CCDC102B: variants seen among roughly 807,000 people sequenced by gnomAD.
CCDC102B encodes coiled-coil domain-containing protein 102B.
Under a neutral mutation model 57.4 loss-of-function variants are expected in CCDC102B, and 75 were observed. The observed-to-expected ratio is 1.31, with a 90% CI of 1.08 to 1.58. The LOEUF (loss-of-function observed/expected upper bound fraction) is 1.58, where lower values mean the gene tolerates loss of function less well. CCDC102B is among the 40% of genes most tolerant of loss of function. The pLI is 0.00. For missense variants in CCDC102B, 636 were observed against 582.6 expected, an observed-to-expected ratio of 1.09 and a Z score of -0.94; for synonymous variants, 206 against 201.9, an observed-to-expected ratio of 1.02 and a Z score of -0.17.
chr18:68,924,017 C>G (rs949852210), intron 6 of CCDC102B, among the ~76,000 whole-genome samples: 1 of 152,000 alleles, frequency 6.6e-6, no homozygotes, highest in African/African-American at 2.4e-5. Context: ...CATTAGCAAC[C>G]AAGGAACTCT....
chr18:68,827,517 A>G (rs901745147), intron 1 of CCDC102B, among the ~76,000 whole-genome samples: 3 of 152,198 alleles, frequency 2.0e-5, no homozygotes, highest in South Asian at 2.1e-4. Flanking sequence ...TACTGTACAT[A>G]TATCAGCCAG....
At chr18:69,057,992 TCCCAC>T (rs937260328), downstream of CCDC102B, among the ~76,000 whole-genome samples, 5 of 152,060 alleles carry the variant, frequency 3.3e-5, no homozygotes, top group African/African-American at 1.2e-4. Context: ...CTCACCTAAC[TCCCAC>T]CCTCCCTGCT....
chr18:68,849,209 A>G (rs1160611440), intron 4 of CCDC102B, among the ~76,000 whole-genome samples: 1 of 152,050 alleles, frequency 6.6e-6, no homozygotes, highest in Non-Finnish European at 1.5e-5. Context: ...AAAATTCTGT[A>G]CTCACACCTT....
At chr18:68,807,525 A>G (rs935596855) in intron 1 of CCDC102B, among the ~76,000 whole-genome samples, 1 of 152,150 alleles carries the variant, frequency 6.6e-6, no homozygotes, top group African/African-American at 2.4e-5. Flanking sequence ...AATAAAAACC[A>G]AGCAAGCTTT....
Position 69,011,129 on chromosome 18 carries a change from G to T in CCDC102B, c.1434+25G>T, listed in dbSNP as rs1329475734. The T allele has an allele frequency of 2.5e-6, 4 of 1,595,826 alleles. No individual in the cohort carries two copies. The East Asian group carries it at 8.9e-5, about 36-fold the overall frequency. On this transcript the variant is annotated intron_variant, in intron 7 of 7. Coordinates refer to ENST00000360242, the MANE Select transcript of CCDC102B (RefSeq NM_024781.3). ...GGTACTACTTTATGAGTGAACACGT[G>T]CTGGACAGCTTCTAAATAGTATTTT...
chr18:68,776,413 C>G (rs771393077), intron 2 of CCDC102B, among the ~76,000 whole-genome samples: 1 of 152,124 alleles, frequency 6.6e-6, no homozygotes, highest in Non-Finnish European at 1.5e-5. Flanking sequence ...CGGAATCAAC[C>G]TAAATGTCCA....
chr18:68,986,754 A>G (rs2050735766), intron 6 of CCDC102B, among the ~76,000 whole-genome samples: 1 of 152,176 alleles, frequency 6.6e-6, no homozygotes, highest in South Asian at 2.1e-4. Context: ...TCAACATACA[A>G]AAGTCAGTGG....
intron 6 of CCDC102B, among the ~76,000 whole-genome samples, chr18:68,938,111 T>G (rs538192595): frequency 6.6e-6 from 1 of 152,138 alleles, no homozygotes; most frequent in South Asian, 2.1e-4. Context: ...AACTCAGACC[T>G]TATTAAGTCA....
At chr18:69,013,899 A>T (rs1209727285) in intron 7 of CCDC102B, among the ~76,000 whole-genome samples, 1 of 152,188 alleles carries the variant, frequency 6.6e-6, no homozygotes, top group African/African-American at 2.4e-5. Flanking sequence ...TGAACAATAA[A>T]TGCCTACTAA....
intron 2 of CCDC102B, among the ~76,000 whole-genome samples, chr18:68,742,362 A>G (rs995330002): frequency 6.6e-6 from 1 of 152,148 alleles, no homozygotes; most frequent in Non-Finnish European, 1.5e-5. Flanking sequence ...ACCCTACTCC[A>G]TTGTGACCTC....
chr18:68,996,400 G>T (rs147399089), intron 6 of CCDC102B, among the ~76,000 whole-genome samples: 2 of 152,166 alleles, frequency 1.3e-5, no homozygotes, highest in African/African-American at 4.8e-5. Flanking sequence ...TACCTTTGAG[G>T]TTTTGAGACT....
intron 1 of CCDC102B, among the ~76,000 whole-genome samples, chr18:68,825,849 T>C (rs2036885468): frequency 6.6e-6 from 1 of 152,214 alleles, no homozygotes. Flanking sequence ...TATTTTGTAC[T>C]TACAGGTAGT....
chr18:68,958,010 G>C (rs1189462334), intron 6 of CCDC102B, among the ~76,000 whole-genome samples: 2 of 152,154 alleles, frequency 1.3e-5, no homozygotes, highest in Non-Finnish European at 2.9e-5. Context: ...ACAGTTCCAC[G>C]TGGCTGGGGA....
At chr18:68,758,059 ATTC>A (rs923007662) in intron 2 of CCDC102B, among the ~76,000 whole-genome samples, 1 of 152,082 alleles carries the variant, frequency 6.6e-6, no homozygotes, top group African/African-American at 2.4e-5. Context: ...ATTACAAGCT[ATTC>A]TTCTATTTCT....
intron 2 of CCDC102B, among the ~76,000 whole-genome samples, chr18:68,793,021 T>C (rs754274153): frequency 6.6e-6 from 1 of 152,218 alleles, no homozygotes; most frequent in Non-Finnish European, 1.5e-5. Flanking sequence ...TATGTGACTG[T>C]ATCTGGGCAC....
At chr18:68,796,904 G>A (rs2035649848), upstream of CCDC102B, among the ~76,000 whole-genome samples, 1 of 151,798 alleles carries the variant, frequency 6.6e-6, no homozygotes, top group South Asian at 2.1e-4. Context: ...TCAGGTGGAT[G>A]CAAGACTAAA....
chr18:68,776,726 T>C (rs1416160937), intron 2 of CCDC102B, among the ~76,000 whole-genome samples: 2 of 151,992 alleles, frequency 1.3e-5, no homozygotes, highest in East Asian at 3.9e-4. Flanking sequence ...GCTTAATACC[T>C]GAGTAATGAA....
At chr18:68,733,958 G>A (rs1159458604) in intron 2 of CCDC102B, among the ~76,000 whole-genome samples, 1 of 152,118 alleles carries the variant, frequency 6.6e-6, no homozygotes, top group African/African-American at 2.4e-5. Flanking sequence ...GCGTTTCTGC[G>A]TTTCCAGGAG....
intron 2 of CCDC102B, 128 bp from the exon 3 acceptor site, chr18:68,838,578 G>C: frequency 6.9e-7 from 1 of 1,442,030 alleles, no homozygotes; most frequent in South Asian, 1.5e-5. Flanking sequence ...ACACTTTCAG[G>C]GAATGATAAT....
Sources: allele counts gnomAD v4.1 joint callset (sites outside exome capture counted in the v4.1 genomes callset), GRCh38; gene constraint gnomAD v4.1.1; transcripts MANE v1.5; gene names NCBI Gene and HGNC (gene_info 2026-07-23, HGNC 2026-07-21).